Variants in PARD3B observed in about 807,000 individuals in gnomAD.
PARD3B encodes partitioning defective 3 homolog B.
Under a neutral mutation model 130.2 loss-of-function variants are expected in PARD3B, and 103 were observed. The observed-to-expected ratio is 0.79, with a 90% confidence interval of 0.67 to 0.93. The LOEUF is 0.93. PARD3B is among the 40% of genes least tolerant of loss of function. PARD3B has a pLI of 0.00. For synonymous variants in PARD3B, 583 were observed against 553.2 expected, an observed-to-expected ratio of 1.05 and a Z score of -0.76; for missense variants, 1,609 against 1,499.2, an observed-to-expected ratio of 1.07 and a Z score of -1.21.
chr2:205,224,063 CAA>C (rs34894710), intron 15 of PARD3B, among the ~76,000 whole-genome samples: 126 of 134,876 alleles, frequency 9.3e-4, no homozygotes, highest in Admixed American at 9.6e-4. Context: ...GACTCCATCT[CAA>C]AAAAAAAAAA....
chr2:204,844,620 G>A (rs1430885831), intron 2 of PARD3B, among the ~76,000 whole-genome samples: 2 of 152,078 alleles, frequency 1.3e-5, no homozygotes, highest in South Asian at 2.1e-4. Flanking sequence ...TTTTTACATC[G>A]AAGATGAAGT....
intron 11 of PARD3B, among the ~76,000 whole-genome samples, chr2:205,170,502 C>G (rs2035097513): frequency 6.6e-6 from 1 of 152,180 alleles, no homozygotes; most frequent in South Asian, 2.1e-4. Flanking sequence ...CATTTCTTCC[C>G]CGAGTGGGTG....
chr2:204,657,526 G>T (rs1017526964), intron 1 of PARD3B, among the ~76,000 whole-genome samples: 7 of 151,412 alleles, frequency 4.6e-5, no homozygotes, highest in Non-Finnish European at 1.0e-4. Flanking sequence ...TTTTTTTTTT[G>T]ATTCATATCT....
At chr2:205,611,890 T>C (rs868675745) in intron 22 of PARD3B, among the ~76,000 whole-genome samples, 1 of 152,226 alleles carries the variant, frequency 6.6e-6, no homozygotes, top group African/African-American at 2.4e-5. Flanking sequence ...ACATTTGTTA[T>C]GCGGATTCTT....
chr2:205,541,314 CTGTT>C (rs753355198), intron 21 of PARD3B, among the ~76,000 whole-genome samples: 28 of 146,786 alleles, frequency 1.9e-4, no homozygotes, highest in Non-Finnish European at 3.3e-4. Context: ...GCTCCCTTCT[CTGTT>C]TGAGAGTTTT....
chr2:205,301,974 T>G lies in PARD3B; in HGVS notation c.2630+273T>G, dbSNP rs1043326695. 1.4e-6 allele frequency: 1 copy of G among 691,506 alleles called. No individual in the cohort carries two copies. The highest frequency in any genetic ancestry group is 1.8e-5 in the African/African-American group (1 of 56,622). The allele number at this position is 691,506 out of a possible 1,614,324, so 42.8% of individuals were successfully genotyped here. A position where few individuals can be genotyped will look rare whatever the true frequency, so the allele number is the denominator to read the frequency against. On this transcript the variant is annotated intron_variant, in intron 18 of 22. Transcript: ENST00000406610. This position sits in a 1 kb window ranked among gnomAD's most constrained non-coding sequence, Gnocchi z 5.2. ...GGCTCATGCCTGTAATCTCAGTACT[T>G]TGGGAGGCTGGGAGGATTGCTTGAG...
In PARD3B at chr2:205,287,664, A is replaced by T. The variant is rs1250103765; in HGVS notation, c.2186-12866A>T. 6.6e-6 allele frequency among the ~76,000 whole-genome samples: 1 copy of T among 152,302 alleles called. No homozygotes were observed. On this transcript the variant is annotated intron_variant, in intron 16 of 22. Transcript: ENST00000406610. This position sits in a 1 kb window ranked among gnomAD's most constrained non-coding sequence, Gnocchi z 4.8. ...AGGAAAGCCAGGATGCTCATTTTAG[A>T]TAGAATAATGGGTGCCGGCTAGGAA...
intron 2 of PARD3B, among the ~76,000 whole-genome samples, chr2:204,808,651 A>G (rs2042857930): frequency 6.6e-6 from 1 of 152,110 alleles, no homozygotes; most frequent in Non-Finnish European, 1.5e-5. Context: ...CATTCCCACA[A>G]AGGACATGAT....
intron 2 of PARD3B, among the ~76,000 whole-genome samples, chr2:204,731,070 C>A (rs942685564): frequency 6.6e-6 from 1 of 152,178 alleles, no homozygotes; most frequent in Non-Finnish European, 1.5e-5. Flanking sequence ...TGGTTGATTA[C>A]AATGTGATGC....
At chr2:205,145,504 T>A (rs1304501956) in intron 10 of PARD3B, among the ~76,000 whole-genome samples, 1 of 152,230 alleles carries the variant, frequency 6.6e-6, no homozygotes, top group East Asian at 1.9e-4. Context: ...TAATACTAAT[T>A]GTGAAATATG....
intron 1 of PARD3B, among the ~76,000 whole-genome samples, chr2:204,577,941 G>A (rs1392905515): frequency 1.3e-5 from 2 of 152,102 alleles, no homozygotes; most frequent in African/African-American, 2.4e-5. Flanking sequence ...GTTGGGGGTG[G>A]CTTTGTCCCC....
intron 1 of PARD3B, among the ~76,000 whole-genome samples, chr2:204,603,176 C>T (rs1039394442): frequency 2.6e-5 from 4 of 152,106 alleles, no homozygotes; most frequent in Non-Finnish European, 4.4e-5. Context: ...ATCCTTATCA[C>T]ATAACCTGAG....
intron 15 of PARD3B, among the ~76,000 whole-genome samples, chr2:205,225,906 A>G (rs1296288043): frequency 6.6e-6 from 1 of 152,182 alleles, no homozygotes; most frequent in African/African-American, 2.4e-5. Context: ...GAGACAAACC[A>G]TATCAGATGG....
chr2:204,783,320 C>T (rs983436622), intron 2 of PARD3B, among the ~76,000 whole-genome samples: 1 of 152,118 alleles, frequency 6.6e-6, no homozygotes, highest in African/African-American at 2.4e-5. Flanking sequence ...CAGCAGTCAT[C>T]TTGCTGTGTC....
chr2:205,091,373 G>A lies in PARD3B; in HGVS notation c.505-13053G>A, dbSNP rs1283139881. On this transcript the variant is annotated intron_variant, in intron 4 of 22. Transcript: ENST00000406610. This position sits in a 1 kb window ranked among gnomAD's most constrained non-coding sequence, Gnocchi z 4.2. ...GTATGTGGAGTGATGTATTTTCAAA[G>A]AGGCTCCAGAAAAGATCGCAGCATT... Among the ~76,000 whole-genome samples, 2 of 152,120 alleles carry A rather than the reference G, an allele frequency of 1.3e-5. No homozygotes were observed. Among genetic ancestry groups the A allele is most frequent in the Non-Finnish European group, 2.9e-5 (2 of 68,026 alleles).
At chr2:204,556,109 C>T (rs772278069) in intron 1 of PARD3B, among the ~76,000 whole-genome samples, 8 of 152,180 alleles carry the variant, frequency 5.3e-5, no homozygotes, top group Non-Finnish European at 1.2e-4. Flanking sequence ...TCAGTAAGTT[C>T]TTTTCAAAGA....
chr2:204,597,125 A>G (rs144583169), intron 1 of PARD3B, among the ~76,000 whole-genome samples: 4,552 of 152,244 alleles, frequency 0.03, 90 homozygotes, highest in Non-Finnish European at 0.044. Flanking sequence ...TAGCTTGTCT[A>G]ACTCATTGGC....
rs1443614746 is a variant in PARD3B, at chr2:205,066,304, G to A, written c.504+18614G>A. Among the ~76,000 whole-genome samples the A allele has an allele frequency of 5.9e-5, 9 of 152,236 alleles. No individual in the cohort carries two copies. The South Asian group carries it at 6.2e-4, about 11-fold the overall frequency. ...TGGTCGCATGGTTAACATCAAACAC[G>A]AAGAGAAATTCCTTCTGGTAATACA... On this transcript the variant is annotated intron_variant, in intron 4 of 22. Coordinates refer to ENST00000406610, the MANE Select transcript of PARD3B (RefSeq NM_001302769.2).
intron 2 of PARD3B, among the ~76,000 whole-genome samples, chr2:204,924,459 G>C (rs1030641698): frequency 1.3e-5 from 2 of 151,958 alleles, no homozygotes; most frequent in Non-Finnish European, 2.9e-5. Context: ...ATAAGGAAAA[G>C]TTACAAGCAT....
Sources: allele counts gnomAD v4.1 joint callset (sites outside exome capture counted in the v4.1 genomes callset), GRCh38; gene constraint gnomAD v4.1.1; non-coding constraint Gnocchi (gnomAD v3.1); transcripts MANE v1.5; gene names NCBI Gene and HGNC (gene_info 2026-07-23, HGNC 2026-07-21).